The following MROH1 variants were observed in gnomAD, a reference collection of about 807,000 sequenced individuals.
MROH1 encodes maestro heat-like repeat-containing protein family member 1.
Under a neutral mutation model 116.5 loss-of-function variants are expected in MROH1, and 117 were observed. The ratio of observed to expected loss-of-function variants is 1.00; its 90% confidence interval spans 0.86 to 1.17. The LOEUF (loss-of-function observed/expected upper bound fraction) is 1.17. MROH1 is among the 50% of genes most tolerant of loss of function. The pLI is 0.00. For synonymous variants in MROH1, 921 were observed against 583.9 expected, an observed-to-expected ratio of 1.58 and a Z score of -8.32; for missense variants, 1,873 against 1,338.5, an observed-to-expected ratio of 1.40 and a Z score of -6.23.
At chr8:144,169,654 G>A in intron 4 of MROH1, among the ~76,000 whole-genome samples, 1 of 142,838 alleles carries the variant, frequency 7.0e-6, no homozygotes, top group Non-Finnish European at 1.5e-5. Flanking sequence ...ATTTATATAT[G>A]TTTTTTGAGA....
At chr8:144,234,304 G>A (rs1007129862) in intron 14 of MROH1, among the ~76,000 whole-genome samples, 4 of 151,900 alleles carry the variant, frequency 2.6e-5, no homozygotes, top group South Asian at 2.1e-4. Context: ...CACCGCGCCC[G>A]GCTGTAGTTC....
At chr8:144,240,048 G>A in intron 18 of MROH1, 53 bp from the exon 19 acceptor site, 1 of 752,760 alleles carries the variant, frequency 1.3e-6, no homozygotes, top group Non-Finnish European at 2.5e-6. Flanking sequence ...GCTGGGCTCT[G>A]AGCCCCACTG....
intron 1 of MROH1, among the ~76,000 whole-genome samples, chr8:144,152,723 T>G (rs1246768780): frequency 3.9e-5 from 6 of 151,960 alleles, no homozygotes; most frequent in Non-Finnish European, 5.9e-5. Flanking sequence ...ATTTTTTGTA[T>G]TTTTTAGTAG....
chr8:144,202,237 G>C (rs988567599), intron 12 of MROH1, among the ~76,000 whole-genome samples: 2 of 152,012 alleles, frequency 1.3e-5, no homozygotes, highest in Non-Finnish European at 2.9e-5. Context: ...GGAGGCTGGC[G>C]GGGGGAGAGC....
chr8:144,200,064 G>T (rs987082317), intron 11 of MROH1, among the ~76,000 whole-genome samples: 7 of 152,154 alleles, frequency 4.6e-5, no homozygotes, highest in African/African-American at 1.7e-4. Flanking sequence ...TTGACAGCTC[G>T]AGTCCCCTTG....
chr8:144,180,330 G>A lies in MROH1; in HGVS notation c.453G>A (p.Ser151=), dbSNP rs368190436. ...CAVLHTLASL[S]VANAFGVVPF... ...TGCTGCACACCCTCGCCAGCCTCTC[G>A]GTGGCCAACGGTAGGTGACGCGCGG... The change falls in exon 6 of 44, where the codon TCG becomes TCA. Residue 151 remains serine, a synonymous_variant. Coordinates refer to ENST00000326134, the MANE Select transcript of MROH1 (RefSeq NM_032450.3). This position sits in a 1 kb window ranked among gnomAD's most constrained non-coding sequence, Gnocchi z 7.4. 60 of 1,606,172 alleles carry A rather than the reference G, an allele frequency of 3.7e-5. 1 individual carries two copies. The highest frequency in any genetic ancestry group is 3.3e-4 in the Admixed American group (20 of 59,860).
chr8:144,260,498 G>A (rs950639995), intron 39 of MROH1, 124 bp downstream of exon 39: 24 of 703,546 alleles, frequency 3.4e-5, no homozygotes, highest in Middle Eastern at 3.6e-4. Flanking sequence ...CGTGGAGAGC[G>A]CGGACCTGCA....
intron 29 of MROH1, among the ~76,000 whole-genome samples, chr8:144,245,881 G>A (rs987067540): frequency 1.3e-5 from 2 of 152,054 alleles, no homozygotes; most frequent in Non-Finnish European, 2.9e-5. Context: ...GGCTGGTCTT[G>A]AACTCTTGGG....
At position 144,182,611 on chromosome 8, in the gene MROH1, T is replaced by C. The variant is rs1156566282; in HGVS notation, c.562+2088T>C. ...GAAATGGGAAAAATAATAGAAGAAT[T>C]GGAAGAGAAAGTTGTGGAAATTTCC... On this transcript the variant is annotated intron_variant, in intron 7 of 43. Transcript: ENST00000326134. This position sits in a 1 kb window ranked among gnomAD's most constrained non-coding sequence, Gnocchi z 4.1. 6.6e-6 allele frequency among the ~76,000 whole-genome samples: 1 copy of C among 151,580 alleles called. No individual in the cohort carries two copies. Among genetic ancestry groups the C allele is most frequent in the Non-Finnish European group, 1.5e-5 (1 of 67,924 alleles).
intron 4 of MROH1, among the ~76,000 whole-genome samples, chr8:144,172,493 C>G (rs1822734373): frequency 1.3e-5 from 2 of 151,668 alleles, no homozygotes. Flanking sequence ...CTCACTGCAA[C>G]CTCCACCTCC....
chr8:144,201,284 C>G (rs1485633683), intron 12 of MROH1: 1 of 152,168 alleles, frequency 6.6e-6, no homozygotes, highest in East Asian at 1.9e-4. Flanking sequence ...TGGTCTCAAT[C>G]TCCTGACCTC....
Position 144,190,827 on chromosome 8 carries a change from C to A in MROH1, c.606C>A (p.Asn202Lys), listed in dbSNP as rs1238943175. ...AGGGTGCCCTGGAGTACCTAGCCAA[C>A]CTGGACCGAGCCCCAGACCCCACGG... ...FSEGALEYLANLDRAPDPTVR... is the reference protein window; with the variant it reads ...FSEGALEYLAKLDRAPDPTVR... Residue 202 changes from asparagine to lysine, a missense_variant, in exon 8 of 44, where the codon AAC (asparagine) becomes AAA (lysine). Coordinates refer to ENST00000326134, the MANE Select transcript of MROH1 (RefSeq NM_032450.3). 9 of 1,613,806 alleles carry A rather than the reference C, an allele frequency of 5.6e-6. No homozygotes were observed. The highest frequency in any genetic ancestry group is 6.8e-6 in the Non-Finnish European group (8 of 1,179,888).
intron 33 of MROH1, 59 bp from the exon 34 acceptor site, chr8:144,254,754 C>A (rs1347572400): frequency 1.4e-6 from 1 of 722,578 alleles, no homozygotes. Flanking sequence ...ACCCAGGTGG[C>A]GGGGGGCAGG....
intron 35 of MROH1, among the ~76,000 whole-genome samples, chr8:144,258,030 C>G (rs1286094547): frequency 6.6e-6 from 1 of 152,214 alleles, no homozygotes; most frequent in Non-Finnish European, 1.5e-5. Context: ...CACTGGCAGC[C>G]AGGAGTGGAG....
At chr8:144,249,588 G>A (rs1397877624) in intron 32 of MROH1, among the ~76,000 whole-genome samples, 1 of 152,170 alleles carries the variant, frequency 6.6e-6, no homozygotes, top group East Asian at 1.9e-4. Context: ...ATGCTATGCT[G>A]CTGCTGGACT....
At chr8:144,183,207 A>G (rs977559529) in intron 7 of MROH1, among the ~76,000 whole-genome samples, 1 of 151,918 alleles carries the variant, frequency 6.6e-6, no homozygotes, top group Non-Finnish European at 1.5e-5. Flanking sequence ...GTGAGACCCC[A>G]TCGTTAGAAA....
At chr8:144,173,875 A>G (rs1407996305) in intron 4 of MROH1, among the ~76,000 whole-genome samples, 1 of 152,146 alleles carries the variant, frequency 6.6e-6, no homozygotes, top group East Asian at 1.9e-4. Context: ...AAGAAGAATG[A>G]GGATACAGTG....
chr8:144,260,573 C>G, intron 39 of MROH1, 104 bp from the exon 40 acceptor site: 1 of 762,724 alleles, frequency 1.3e-6, no homozygotes, highest in Non-Finnish European at 2.4e-6. Context: ...GGGGTGTTTC[C>G]TGGCCCGGGT....
chr8:144,189,025 G>A (rs1293652681), intron 7 of MROH1, among the ~76,000 whole-genome samples: 1 of 152,186 alleles, frequency 6.6e-6, no homozygotes, highest in Non-Finnish European at 1.5e-5. Context: ...TCTGCAAAGC[G>A]GTGTTATCTC....
Sources: allele counts gnomAD v4.1 joint callset (sites outside exome capture counted in the v4.1 genomes callset), GRCh38; gene constraint gnomAD v4.1.1; non-coding constraint Gnocchi (gnomAD v3.1); transcripts MANE v1.5; gene names NCBI Gene and HGNC (gene_info 2026-07-23, HGNC 2026-07-21).